Variants in PLPP4 observed in about 807,000 individuals in gnomAD.
PLPP4 encodes the protein phospholipid phosphatase 4, also known as diacylglycerol pyrophosphate like 2.
PLPP4 carries 20 observed loss-of-function variants against 32.2 expected under a neutral mutation model. The observed-to-expected ratio is 0.62, with a 90% CI of 0.44 to 0.90. The LOEUF is 0.90. Ranked by LOEUF, PLPP4 falls within the 40% of genes least tolerant of loss-of-function variation. The pLI is 0.00. For missense variants in PLPP4, 257 were observed against 353.1 expected (o/e 0.73, Z 2.18); for synonymous variants, 127 against 133.0 (o/e 0.95, Z 0.31).
In PLPP4 at chr10:120,480,307, G is replaced by A. The variant is rs531040089; in HGVS notation, c.56+22946G>A. On this transcript the variant is annotated intron_variant, in intron 1 of 6. Coordinates refer to ENST00000398250, the MANE Select transcript of PLPP4 (RefSeq NM_001030059.3). ...AGGTTGAATAAGGAGTGCATCCAAGGATTATTGGCTGTGGATGTGCATCTG... is the reference window on the plus strand; with the variant it reads ...AGGTTGAATAAGGAGTGCATCCAAGAATTATTGGCTGTGGATGTGCATCTG... Among the ~76,000 whole-genome samples, 4 of 152,288 alleles carry A rather than the reference G, an allele frequency of 2.6e-5. No individual in the cohort carries two copies. The South Asian group carries it at 8.3e-4, about 32-fold the overall frequency.
chr10:120,487,433 T>A (rs1844511174), intron 1 of PLPP4, among the ~76,000 whole-genome samples: 1 of 152,258 alleles, frequency 6.6e-6, no homozygotes, highest in South Asian at 2.1e-4. Flanking sequence ...GAGAACTGAT[T>A]CATTTTAAGA....
At position 120,575,315 on chromosome 10, in the gene PLPP4, C is replaced by G; in HGVS notation, c.616+14C>G. 1.2e-6 allele frequency: 2 copies of G among 1,611,490 alleles called. No individual in the cohort carries two copies. Among genetic ancestry groups the G allele is most frequent in the Non-Finnish European group, 1.7e-6 (2 of 1,178,220 alleles). On this transcript the variant is annotated intron_variant, in intron 6 of 6. Coordinates refer to ENST00000398250, the MANE Select transcript of PLPP4 (RefSeq NM_001030059.3). ...ATCACTGGCAAGGTGAGTCCCTGCC[C>G]AGGGCCTGACTAGTCCTCACTGTGG... is the stretch of plus-strand genomic sequence containing the variant.
At chr10:120,535,141 G>A (rs183272993) in intron 5 of PLPP4, among the ~76,000 whole-genome samples, 8 of 152,236 alleles carry the variant, frequency 5.3e-5, no homozygotes, top group South Asian at 2.1e-4. Context: ...TTATTTTAGC[G>A]AAGTCTATTT....
At chr10:120,545,748 A>C (rs1267053293) in intron 5 of PLPP4, among the ~76,000 whole-genome samples, 1 of 152,160 alleles carries the variant, frequency 6.6e-6, no homozygotes, top group Admixed American at 6.5e-5. Context: ...GTTAATATTG[A>C]GTGTCAACTT....
intron 5 of PLPP4, among the ~76,000 whole-genome samples, chr10:120,548,727 G>A (rs547953935): frequency 5.3e-5 from 8 of 151,782 alleles, no homozygotes; most frequent in South Asian, 2.1e-4. Flanking sequence ...CCACAACCTC[G>A]CCAACATCTG....
intron 1 of PLPP4, among the ~76,000 whole-genome samples, chr10:120,503,344 CCT>C (rs1361128844): frequency 6.6e-6 from 1 of 152,182 alleles, no homozygotes; most frequent in Non-Finnish European, 1.5e-5. Context: ...CATCTCTGCC[CCT>C]TTCTTCCCCC....
chr10:120,586,241 T>A (rs1849753903), intron 6 of PLPP4, among the ~76,000 whole-genome samples: 1 of 151,760 alleles, frequency 6.6e-6, no homozygotes, highest in Non-Finnish European at 1.5e-5. Flanking sequence ...TTCAAGCAAT[T>A]CTCCTTCCTC....
chr10:120,572,808 A>AT (rs762955808), intron 5 of PLPP4, among the ~76,000 whole-genome samples: 1 of 152,334 alleles, frequency 6.6e-6, no homozygotes, highest in East Asian at 1.9e-4. Context: ...TGAGGATAGA[A>AT]TTTAAGAAGT....
rs532730976 is a variant in PLPP4, at chr10:120,461,172, A to G, written c.56+3811A>G. Among the ~76,000 whole-genome samples, 9 of 152,342 alleles carry G rather than the reference A, an allele frequency of 5.9e-5. No homozygotes were observed. In the East Asian group the frequency reaches 1.7e-3, roughly 29 times the overall value. On this transcript the variant is annotated intron_variant, in intron 1 of 6. Transcript: ENST00000398250. ...ATGGCAGCAGTGGTTCACACTTCCT[A>G]AAAGATGGGATTTGATCATGGCATA...
intron 6 of PLPP4, among the ~76,000 whole-genome samples, chr10:120,586,299 A>AT (rs3067612): frequency 0.035 from 4,802 of 137,530 alleles, 158 homozygotes; most frequent in African/African-American, 0.08. Context: ...ACACCTGGCT[A>AT]TTTTTTTTTT....
At chr10:120,537,727 T>C (rs4578299) in intron 5 of PLPP4, among the ~76,000 whole-genome samples, 82,510 of 151,976 alleles carry the variant, frequency 0.54, 23,615 homozygotes, top group Non-Finnish European at 0.65. Context: ...GTGATGGATA[T>C]GTACATCAGC....
At chr10:120,475,493 T>C (rs1331509863) in intron 1 of PLPP4, among the ~76,000 whole-genome samples, 1 of 152,230 alleles carries the variant, frequency 6.6e-6, no homozygotes, top group African/African-American at 2.4e-5. Flanking sequence ...GGGCAGCTAC[T>C]TGGGAGAGCT....
intron 5 of PLPP4, among the ~76,000 whole-genome samples, chr10:120,530,949 T>G (rs1490396306): frequency 6.6e-6 from 1 of 152,214 alleles, no homozygotes; most frequent in Non-Finnish European, 1.5e-5. Flanking sequence ...TTCACTTATC[T>G]TACTACATTA....
intron 2 of PLPP4, among the ~76,000 whole-genome samples, chr10:120,507,588 T>C (rs755478683): frequency 3.9e-5 from 6 of 152,200 alleles, no homozygotes; most frequent in Admixed American, 3.9e-4. Flanking sequence ...TGAACCAGGA[T>C]CTGAGCACTG....
chr10:120,497,397 C>A (rs1203559135), intron 1 of PLPP4, among the ~76,000 whole-genome samples: 8 of 151,982 alleles, frequency 5.3e-5, no homozygotes, highest in African/African-American at 1.9e-4. Flanking sequence ...TTGCCTTCCA[C>A]TCACTTAATT....
intron 5 of PLPP4, among the ~76,000 whole-genome samples, chr10:120,556,986 T>G (rs1333437174): frequency 1.3e-5 from 2 of 152,248 alleles, no homozygotes; most frequent in South Asian, 2.1e-4. Flanking sequence ...GCGGCTGTTT[T>G]CCTCCTCAAA....
At chr10:120,574,348 C>T (rs987262172) in intron 5 of PLPP4, among the ~76,000 whole-genome samples, 3 of 151,868 alleles carry the variant, frequency 2.0e-5, no homozygotes, top group Admixed American at 1.3e-4. Flanking sequence ...TTGTTGTAAG[C>T]GCTTCCCAAC....
intron 5 of PLPP4, among the ~76,000 whole-genome samples, chr10:120,534,018 T>G (rs1269158357): frequency 6.6e-6 from 1 of 152,200 alleles, no homozygotes; most frequent in Non-Finnish European, 1.5e-5. Flanking sequence ...AAGATGCATT[T>G]ATACTGTCTT....
At chr10:120,538,052 C>CTCTGTG (rs1847142984) in intron 5 of PLPP4, among the ~76,000 whole-genome samples, 1 of 18,992 alleles carries the variant, frequency 5.3e-5, no homozygotes, top group Non-Finnish European at 9.5e-5. Context: ...CTCTCTCTCT[C>CTCTGTG]TGTGTGTGTG....
Sources: gnomAD v4.1 joint callset for allele counts (sites outside exome capture counted in the v4.1 genomes callset) on GRCh38, gnomAD v4.1.1 for gene constraint, MANE v1.5 for transcripts, NCBI Gene and HGNC (gene_info 2026-07-23, HGNC 2026-07-21) for gene names.